CCDC83: variants seen among roughly 807,000 people sequenced by gnomAD.
The protein encoded by CCDC83 is coiled-coil domain-containing protein 83.
In CCDC83, 54 loss-of-function variants were observed where a neutral mutation model predicts 50.1. The observed-to-expected ratio is 1.08, with a 90% CI of 0.87 to 1.35. CCDC83 has a LOEUF of 1.35. Ranked by LOEUF, CCDC83 falls within the 40% of genes most tolerant of loss-of-function variation. The pLI, the probability that CCDC83 is intolerant of heterozygous loss-of-function variation, is 0.00. For missense variants in CCDC83, 518 were observed against 473.9 expected (o/e 1.09, Z -0.86); for synonymous variants, 161 against 153.3 (o/e 1.05, Z -0.37).
At chr11:85,871,069 A>G (rs1156453298) in intron 2 of CCDC83, among the ~76,000 whole-genome samples, 1 of 152,200 alleles carries the variant, frequency 6.6e-6, no homozygotes, top group Admixed American at 6.5e-5. Context: ...GGGGAGGCTG[A>G]GGTGGGACAA....
intron 1 of CCDC83, among the ~76,000 whole-genome samples, chr11:85,860,650 GA>G (rs762796526): frequency 4.6e-5 from 7 of 152,168 alleles, no homozygotes; most frequent in Non-Finnish European, 8.8e-5. Flanking sequence ...ATACCCTAAG[GA>G]AAATAAATCA....
intron 5 of CCDC83, 83 bp downstream of exon 5, chr11:85,886,450 T>G: frequency 9.1e-7 from 1 of 1,099,874 alleles, no homozygotes; most frequent in Non-Finnish European, 1.2e-6. Flanking sequence ...AAGTGCATAC[T>G]CCCTGAATCA....
chr11:85,898,883 A>T, intron 6 of CCDC83, 64 bp from the exon 7 acceptor site: 2 of 1,039,178 alleles, frequency 1.9e-6, no homozygotes, highest in Non-Finnish European at 3.0e-6. Flanking sequence ...ACTGCACATC[A>T]CTATTGCTAA....
chr11:85,884,837 GAAC>G lies in CCDC83; in HGVS notation c.344-1359_344-1357del, dbSNP rs1027752527. Reference sequence around the variant, plus strand: ...ACAGTAGCAGTCTGCTCGAATGAGAGAACAACTACCCATCTGGCTTATAGTAGT... The same window carrying G: ...ACAGTAGCAGTCTGCTCGAATGAGAGAACTACCCATCTGGCTTATAGTAGT... On this transcript the variant is annotated intron_variant, in intron 4 of 10. Transcript: ENST00000342404. Among the ~76,000 whole-genome samples, 44 of 152,314 alleles carry G rather than the reference GAAC, an allele frequency of 2.9e-4. 2 individuals carry two copies. Among genetic ancestry groups the G allele is most frequent in the African/African-American group, 1.0e-3 (43 of 41,564 alleles).
chr11:85,889,077 C>G (rs1015890762), intron 5 of CCDC83, among the ~76,000 whole-genome samples: 1 of 152,194 alleles, frequency 6.6e-6, no homozygotes, highest in Admixed American at 6.5e-5. Flanking sequence ...TTGGGCCAGG[C>G]GTGGTGTCTC....
chr11:85,869,538 C>A (rs2093225980), intron 2 of CCDC83, among the ~76,000 whole-genome samples: 1 of 152,126 alleles, frequency 6.6e-6, no homozygotes, highest in African/African-American at 2.4e-5. Flanking sequence ...GTGGGGGGAA[C>A]ATTGACACAT....
intron 7 of CCDC83, among the ~76,000 whole-genome samples, chr11:85,900,670 T>C (rs189266610): frequency 6.6e-6 from 1 of 152,226 alleles, no homozygotes; most frequent in East Asian, 1.9e-4. Flanking sequence ...AAAGGCCAAG[T>C]GAATTAACAA....
At position 85,876,232 on chromosome 11, in the gene CCDC83, A is replaced by C. The variant is rs78631422; in HGVS notation, c.180+2937A>C. ...TTTTCTCTCACTCCTTTTTGGGGTCATCTCACTTAACACTATGGCTTCAAA... is the reference window on the plus strand; with the variant it reads ...TTTTCTCTCACTCCTTTTTGGGGTCCTCTCACTTAACACTATGGCTTCAAA... On this transcript the variant is annotated intron_variant, in intron 3 of 10. Transcript: ENST00000342404. 3.1e-3 allele frequency among the ~76,000 whole-genome samples: 476 copies of C among 152,292 alleles called. 2 individuals are homozygous for C. The highest frequency in any genetic ancestry group is 0.011 in the African/African-American group (449 of 41,572).
chr11:85,858,910 C>T (rs1448618084), intron 1 of CCDC83, among the ~76,000 whole-genome samples: 1 of 152,018 alleles, frequency 6.6e-6, no homozygotes, highest in Non-Finnish European at 1.5e-5. Context: ...GAGGTTGGTA[C>T]TTTTAGTCTC....
intron 1 of CCDC83, among the ~76,000 whole-genome samples, chr11:85,859,265 C>T (rs2093161592): frequency 6.8e-6 from 1 of 146,284 alleles, no homozygotes; most frequent in Non-Finnish European, 1.5e-5. Flanking sequence ...CAGAGATGAA[C>T]ACAAACAAAT....
intron 6 of CCDC83, among the ~76,000 whole-genome samples, chr11:85,898,181 G>T (rs1323732094): frequency 6.6e-6 from 1 of 151,180 alleles, no homozygotes; most frequent in African/African-American, 2.4e-5. Context: ...GACTTTAACA[G>T]ATAAATTTAC....
intron 3 of CCDC83, among the ~76,000 whole-genome samples, chr11:85,876,886 T>A (rs1312011162): frequency 6.6e-6 from 1 of 152,220 alleles, no homozygotes; most frequent in Non-Finnish European, 1.5e-5. Flanking sequence ...TCAATCTTTT[T>A]TTTGTAGCTT....
rs904166926 is a variant in CCDC83 at position 85,915,510 on chromosome 11, T to C, written c.874+12T>C. The C allele has an allele frequency of 2.6e-6, 4 of 1,568,452 alleles. No individual in the cohort carries two copies. The African/African-American group carries it at 4.1e-5, about 16-fold the overall frequency. ...AGAAACACATATAGGTATTACTTTA[T>C]TGCAATAATGATGATGATTTTTTTC... is the stretch of plus-strand genomic sequence containing the variant. On this transcript the variant is annotated intron_variant, in intron 9 of 10. Coordinates refer to ENST00000342404, the MANE Select transcript of CCDC83 (RefSeq NM_001286159.2).
intron 2 of CCDC83, among the ~76,000 whole-genome samples, chr11:85,869,992 C>A (rs1232200614): frequency 1.3e-5 from 2 of 152,214 alleles, no homozygotes; most frequent in South Asian, 2.1e-4. Flanking sequence ...CTGAGGCCTG[C>A]TGCTGCCACT....
chr11:85,911,470 T>A lies in CCDC83; in HGVS notation c.794+68T>A, dbSNP rs563282501. On this transcript the variant is annotated intron_variant, in intron 8 of 10. Transcript: ENST00000342404. Reference sequence around the variant, plus strand: ...TATCTGCTGTAAAAAGTTGTTTTTTTAAAACAAAAAAAGATGATTTAATTA... The same window carrying A: ...TATCTGCTGTAAAAAGTTGTTTTTTAAAAACAAAAAAAGATGATTTAATTA... 19 of 1,328,716 alleles carry A rather than the reference T, an allele frequency of 1.4e-5. No homozygotes were observed. The East Asian group carries it at 3.0e-4, about 21-fold the overall frequency. The allele number at this position is 1,328,716 out of a possible 1,614,324, so 82.3% of individuals were successfully genotyped here. A position where few individuals can be genotyped will look rare whatever the true frequency, so the allele number is the denominator to read the frequency against.
At chr11:85,894,190 G>A (rs942885171) in intron 5 of CCDC83, among the ~76,000 whole-genome samples, 6 of 152,080 alleles carry the variant, frequency 3.9e-5, no homozygotes, top group African/African-American at 7.2e-5. Context: ...GTTGGGGACC[G>A]CTATCCTAAA....
chr11:85,881,247 T>A (rs2093298153), intron 3 of CCDC83, among the ~76,000 whole-genome samples: 1 of 151,468 alleles, frequency 6.6e-6, no homozygotes, highest in Non-Finnish European at 1.5e-5. Context: ...GTGGTGGGCG[T>A]CTATAATCCC....
intron 2 of CCDC83, among the ~76,000 whole-genome samples, chr11:85,868,433 G>A (rs1193500432): frequency 6.6e-6 from 1 of 152,178 alleles, no homozygotes; most frequent in African/African-American, 2.4e-5. Flanking sequence ...GGAGTGCAGT[G>A]GCATGATCTC....
intron 8 of CCDC83, among the ~76,000 whole-genome samples, chr11:85,913,215 T>C (rs2093462998): frequency 6.6e-6 from 1 of 152,228 alleles, no homozygotes; most frequent in African/African-American, 2.4e-5. Flanking sequence ...TAGGAACTGA[T>C]ATATGTGTCC....
Sources: allele counts gnomAD v4.1 joint callset (sites outside exome capture counted in the v4.1 genomes callset), GRCh38; gene constraint gnomAD v4.1.1; transcripts MANE v1.5; gene names NCBI Gene and HGNC (gene_info 2026-07-23, HGNC 2026-07-21).